The following NUP210L variants were observed in gnomAD, a reference collection of about 807,000 sequenced individuals.
NUP210L encodes the protein nuclear pore membrane glycoprotein 210-like.
A neutral mutation model predicts 208.5 loss-of-function variants in NUP210L; 74 were observed. That is an observed-to-expected ratio of 0.35 (90% CI 0.29 to 0.43). NUP210L has a LOEUF of 0.43. Ranked by LOEUF, NUP210L falls within the 20% of genes least tolerant of loss-of-function variation. The probability of loss-of-function intolerance (pLI) is 1.00; values close to 1 mark genes in which losing one functional copy is unlikely to be tolerated. For synonymous variants in NUP210L, 780 were observed against 816.9 expected, an observed-to-expected ratio of 0.95 and a Z score of 0.77; for missense variants, 1,843 against 2,289.4, an observed-to-expected ratio of 0.81 and a Z score of 3.98.
chr1:154,065,886 C>T (rs1654380479), intron 17 of NUP210L, among the ~76,000 whole-genome samples: 1 of 94,978 alleles, frequency 1.1e-5, no homozygotes, highest in Non-Finnish European at 1.8e-5. Context: ...CAGTGAGACT[C>T]TGTCTCAAAA....
exon 28 of NUP210L, chr1:154,029,956 G>C (rs1391661342): frequency 6.2e-7 from 1 of 1,612,098 alleles, no homozygotes; most frequent in South Asian, 1.1e-5. Flanking sequence ...CAGAGGAACT[G>C]TTCATGCAGT....
intron 28 of NUP210L, 106 bp from the exon 29 acceptor site, chr1:154,027,703 A>C: frequency 3.0e-6 from 2 of 670,118 alleles, no homozygotes; most frequent in Non-Finnish European, 5.1e-6. Flanking sequence ...CAAATAAATG[A>C]CAACTACGAA....
chr1:154,133,100 A>G (rs1428988585), intron 7 of NUP210L, among the ~76,000 whole-genome samples: 2 of 152,294 alleles, frequency 1.3e-5, no homozygotes, highest in African/African-American at 4.8e-5. Flanking sequence ...GATTCACTGC[A>G]CTTTAGCTTC....
intron 7 of NUP210L, among the ~76,000 whole-genome samples, chr1:154,130,863 G>A (rs941967970): frequency 2.6e-5 from 4 of 152,122 alleles, no homozygotes; most frequent in African/African-American, 9.6e-5. Flanking sequence ...GGGGTTACAT[G>A]CATGAGCCAC....
chr1:154,052,847 G>C (rs778181357), intron 25 of NUP210L, among the ~76,000 whole-genome samples: 1 of 152,248 alleles, frequency 6.6e-6, no homozygotes, highest in Non-Finnish European at 1.5e-5. Flanking sequence ...CCCCAAAGGG[G>C]ATGTTTAGCA....
chr1:154,010,413 G>A (rs1173609762), intron 34 of NUP210L, among the ~76,000 whole-genome samples: 3 of 151,794 alleles, frequency 2.0e-5, no homozygotes, highest in Admixed American at 6.6e-5. Context: ...TTGCTCTGTC[G>A]CCCAGTCTGG....
In NUP210L at chr1:154,066,580, C is replaced by T. The variant is rs566203413; in HGVS notation, c.2554+3693G>A. On this transcript the variant is annotated intron_variant, in intron 17 of 39. Transcript: ENST00000368559. The stretch of plus-strand genomic sequence containing the variant: ...GAGCTGAGATAGTGCCCCTGCACTC[C>T]GGCTTGGGCGAAAGAGCGAGACTCC... Among the ~76,000 whole-genome samples the T allele has an allele frequency of 7.9e-5, 12 of 152,266 alleles. No homozygotes were observed. In the East Asian group the frequency reaches 2.1e-3, roughly 27 times the overall value.
At chr1:154,059,459 A>G (rs968442234) in intron 20 of NUP210L, among the ~76,000 whole-genome samples, 10 of 152,162 alleles carry the variant, frequency 6.6e-5, no homozygotes, top group Admixed American at 3.9e-4. Context: ...CATGCCACGC[A>G]CTCCAGCCTG....
chr1:154,011,513 C>T (rs1174113159), intron 34 of NUP210L, among the ~76,000 whole-genome samples: 1 of 150,470 alleles, frequency 6.6e-6, no homozygotes, highest in Non-Finnish European at 1.5e-5. Flanking sequence ...TGAGCCACCG[C>T]GCCTGGCCAT....
At chr1:154,069,137 C>T (rs1654573512) in intron 17 of NUP210L, among the ~76,000 whole-genome samples, 1 of 152,066 alleles carries the variant, frequency 6.6e-6, no homozygotes. Context: ...TAGGCATGGG[C>T]AAGGACTTCA....
rs1202565268 is a variant in NUP210L at position 154,072,585 on chromosome 1, ACCT to A, written c.2362-2123_2362-2121del. Reference sequence around the variant, plus strand: ...CTGACCTCATGATCCGCCCGCCTTGACCTCCCAAAGTGTTGGGATTACAGGCGT... The same window carrying A: ...CTGACCTCATGATCCGCCCGCCTTGACCCAAAGTGTTGGGATTACAGGCGT... On this transcript the variant is annotated intron_variant, in intron 16 of 39. Coordinates refer to ENST00000368559, the Ensembl canonical transcript of NUP210L. Among the ~76,000 whole-genome samples, 7 of 151,286 alleles carry A rather than the reference ACCT, an allele frequency of 4.6e-5. No homozygotes were observed. The East Asian group carries it at 1.4e-3, about 29-fold the overall frequency.
intron 2 of NUP210L, among the ~76,000 whole-genome samples, chr1:154,149,087 C>CTTTTTTTTTTTTTTTT (rs770217261): frequency 0.033 from 3,951 of 118,112 alleles, 320 homozygotes; most frequent in Middle Eastern, 0.063. Context: ...GAAAACTTCT[C>CTTTTTTTTTTTTTTTT]TTTTTTTTTT....
chr1:154,104,111 T>C, exon 13 of NUP210L: 1 of 1,614,084 alleles, frequency 6.2e-7, no homozygotes, highest in South Asian at 1.1e-5. Flanking sequence ...GTCTCTTTAT[T>C]TATGTGATAC....
At chr1:154,076,749 T>C (rs1655059883) in intron 16 of NUP210L, among the ~76,000 whole-genome samples, 1 of 152,074 alleles carries the variant, frequency 6.6e-6, no homozygotes, top group South Asian at 2.1e-4. Flanking sequence ...TACCAGTATA[T>C]GCAAAAACGG....
At chr1:154,083,337 G>C (rs1370691784) in intron 16 of NUP210L, among the ~76,000 whole-genome samples, 2 of 152,160 alleles carry the variant, frequency 1.3e-5, no homozygotes, top group South Asian at 4.1e-4. Context: ...GCTGATTGAT[G>C]TGTTTACAAT....
At chr1:154,128,315 A>G (rs897820256) in intron 8 of NUP210L, among the ~76,000 whole-genome samples, 1 of 151,508 alleles carries the variant, frequency 6.6e-6, no homozygotes, top group African/African-American at 2.4e-5. Context: ...GCAAGATCCC[A>G]TCTCTACAAA....
chr1:154,041,091 A>G (rs1244665666), intron 27 of NUP210L, among the ~76,000 whole-genome samples: 4 of 152,122 alleles, frequency 2.6e-5, no homozygotes, highest in African/African-American at 9.7e-5. Flanking sequence ...CAGTGTCCCA[A>G]GTAGCTGAGA....
chr1:153,998,582 AG>A (rs1441084132), intron 37 of NUP210L, among the ~76,000 whole-genome samples: 3 of 151,406 alleles, frequency 2.0e-5, no homozygotes, highest in Non-Finnish European at 2.9e-5. Context: ...GGAAAGAAAA[AG>A]ATGCAATTTT....
intron 13 of NUP210L, among the ~76,000 whole-genome samples, chr1:154,103,078 C>CTAATAATAATAATAA (rs34666241): frequency 6.7e-6 from 1 of 149,260 alleles, no homozygotes; most frequent in African/African-American, 2.5e-5. Context: ...GACCCTGTCT[C>CTAATAATAATAATAA]TAATAATAAT....
Sources: allele counts gnomAD v4.1 joint callset (sites outside exome capture counted in the v4.1 genomes callset), GRCh38; gene constraint gnomAD v4.1.1; transcripts MANE v1.5; gene names NCBI Gene and HGNC (gene_info 2026-07-23, HGNC 2026-07-21).